KCNC4: variants seen among roughly 807,000 people sequenced by gnomAD.
The protein encoded by KCNC4 is potassium voltage-gated channel subfamily C member 4.
In KCNC4, 23 loss-of-function variants were observed where a neutral mutation model predicts 42.8. The ratio of observed to expected loss-of-function variants is 0.54; its 90% CI spans 0.39 to 0.76. The LOEUF is 0.76. KCNC4 is among the 30% of genes least tolerant of loss of function. The pLI, the probability that KCNC4 is intolerant of heterozygous loss-of-function variation, is 0.00. For missense variants in KCNC4, 751 were observed against 898.2 expected (o/e 0.84, Z 2.10); for synonymous variants, 422 against 393.5 (o/e 1.07, Z -0.86).
intron 3 of KCNC4, among the ~76,000 whole-genome samples, chr1:110,230,108 G>A (rs988767735): frequency 6.6e-6 from 1 of 152,138 alleles, no homozygotes; most frequent in African/African-American, 2.4e-5. Context: ...TCCCCATCTC[G>A]GCACCTCCCT....
chr1:110,232,829 C>G, intron 3 of KCNC4, 82 bp from the exon 4 acceptor site: 1 of 1,553,166 alleles, frequency 6.4e-7, no homozygotes, highest in South Asian at 1.2e-5. Context: ...TTGCTGAACT[C>G]CCTGTCCCCC....
chr1:110,276,243 C>A (rs1659722182), intron 1 of KCNC4, among the ~76,000 whole-genome samples: 1 of 144,926 alleles, frequency 6.9e-6, no homozygotes. Context: ...CCAGACTTCA[C>A]CACTATATAA....
At chr1:110,273,139 C>T (rs187241224) in intron 1 of KCNC4, among the ~76,000 whole-genome samples, 1 of 152,178 alleles carries the variant, frequency 6.6e-6, no homozygotes, top group Non-Finnish European at 1.5e-5. Flanking sequence ...GACCCAGGAG[C>T]TGAAAGAGGG....
downstream of KCNC4, among the ~76,000 whole-genome samples, chr1:110,251,047 C>T (rs1356018148): frequency 3.3e-5 from 5 of 152,158 alleles, no homozygotes; most frequent in Non-Finnish European, 7.4e-5. Context: ...TCAGGTATCC[C>T]TTGTGGCAGT....
At position 110,211,756 on chromosome 1, in the gene KCNC4, G is replaced by T; in HGVS notation, c.257G>T (p.Ser86Ile). Reference sequence around the variant, plus strand: ...GGCGGCGGTGTGGGTAGCAGCGGCAGCAGCGGCGGCGGGGGCTGCGAGTTC... The same window carrying T: ...GGCGGCGGTGTGGGTAGCAGCGGCATCAGCGGCGGCGGGGGCTGCGAGTTC... ...TDGGGVGSSG[S>I]SGGGGCEFFF... Residue 86 changes from serine to isoleucine, a missense_variant, in exon 1 of 4, where the codon AGC (serine) becomes ATC (isoleucine). Ser to Ile is a moderately radical substitution (Grantham distance 142, BLOSUM62 -2). Around this residue, in one of 4 missense-constraint regions of KCNC4, gnomAD observed 183 missense variants for 255.8 expected, o/e 0.72. Transcript: ENST00000438661. The surrounding 1 kb of genome is among the most constrained non-coding windows in gnomAD (Gnocchi z 6.5). 1 of 1,609,462 alleles carries T rather than the reference G, an allele frequency of 6.2e-7. No individual in the cohort carries two copies. Among genetic ancestry groups the T allele is most frequent in the South Asian group, 1.1e-5 (1 of 90,906 alleles).
At chr1:110,234,784 C>T (rs1557866154), downstream of KCNC4, 2 of 151,904 alleles carry the variant, frequency 1.3e-5, no homozygotes, top group East Asian at 3.8e-4. Context: ...GCCTGCTTGC[C>T]TCTCCTTATT....
chr1:110,259,214 G>A (rs983978369), intron 1 of KCNC4, among the ~76,000 whole-genome samples: 4 of 152,146 alleles, frequency 2.6e-5, no homozygotes, highest in African/African-American at 7.2e-5. Flanking sequence ...GGAATGAATC[G>A]TAGGCCAGCT....
At chr1:110,266,246 G>C (rs983859942) in intron 1 of KCNC4, among the ~76,000 whole-genome samples, 1 of 152,196 alleles carries the variant, frequency 6.6e-6, no homozygotes, top group African/African-American at 2.4e-5. Context: ...CATGGGGAGA[G>C]AGTCTCAGTT....
chr1:110,251,688 T>A (rs1659252840), downstream of KCNC4, among the ~76,000 whole-genome samples: 1 of 152,234 alleles, frequency 6.6e-6, no homozygotes, highest in Admixed American at 6.5e-5. Flanking sequence ...TTAAGTGACT[T>A]GGTTATCATG....
intron 1 of KCNC4, among the ~76,000 whole-genome samples, chr1:110,277,111 A>G (rs145095449): frequency 6.6e-5 from 10 of 152,352 alleles, no homozygotes; most frequent in Non-Finnish European, 1.3e-4. Flanking sequence ...TCACCATTCC[A>G]ATAATCACAG....
exon 4 of KCNC4, chr1:110,246,699 TC>T (rs1228963811): frequency 1.3e-5 from 2 of 152,090 alleles, no homozygotes; most frequent in Non-Finnish European, 2.9e-5. Context: ...GCTTGGAGTG[TC>T]CCCTGGCTTT....
chr1:110,234,952 G>A (rs954707792), downstream of KCNC4: 6 of 152,268 alleles, frequency 3.9e-5, no homozygotes, highest in African/African-American at 1.4e-4. Flanking sequence ...CCCTGTTTCA[G>A]AGACAGAGTG....
chr1:110,225,288 T>G (rs780878510), intron 2 of KCNC4: 1 of 152,060 alleles, frequency 6.6e-6, no homozygotes, highest in Non-Finnish European at 1.5e-5. Flanking sequence ...TCAGATAGAG[T>G]AGCACCCCCT....
Position 110,222,982 on chromosome 1 carries a change from C to G in KCNC4, c.697C>G (p.Leu233Val). Residue 233 changes from leucine (L) to valine (V), a missense_variant, in exon 2 of 4, where the codon CTC becomes GTC. Physicochemically the swap from Leu to Val is conservative, Grantham distance 32 (BLOSUM62 1). Coordinates refer to ENST00000438661, the MANE Select transcript of KCNC4 (RefSeq NM_001039574.3). ...RAARVVAFAS[L>V]FFILVSITTF... ...CCCATAGGTAGTGGCCTTTGCCTCT[C>G]TCTTCTTCATCCTGGTCTCCATCAC... 1 of 1,613,522 alleles carries G rather than the reference C, an allele frequency of 6.2e-7. No individual in the cohort carries two copies. The highest frequency in any genetic ancestry group is 8.5e-7 in the Non-Finnish European group (1 of 1,179,500).
chr1:110,272,991 T>G (rs1461875023), intron 1 of KCNC4, among the ~76,000 whole-genome samples: 1 of 152,250 alleles, frequency 6.6e-6, no homozygotes, highest in Non-Finnish European at 1.5e-5. Flanking sequence ...GAGTTGGTTG[T>G]GGTGTCTATG....
chr1:110,254,098 GGGC>G (rs201582254), downstream of KCNC4, among the ~76,000 whole-genome samples: 621 of 140,798 alleles, frequency 4.4e-3, 13 homozygotes, highest in East Asian at 6.7e-3. Context: ...GTCGGGGGGG[GGGC>G]GGCGTTTCTG....
intron 1 of KCNC4, among the ~76,000 whole-genome samples, chr1:110,271,994 C>T (rs530958932): frequency 2.6e-5 from 4 of 152,174 alleles, no homozygotes; most frequent in Non-Finnish European, 4.4e-5. Flanking sequence ...CCCCCCTTCC[C>T]GCCACAATTT....
chr1:110,276,470 C>T (rs1031463985), intron 1 of KCNC4, among the ~76,000 whole-genome samples: 1 of 151,994 alleles, frequency 6.6e-6, no homozygotes, highest in African/African-American at 2.4e-5. Context: ...GAGAGGGAGC[C>T]CTGCCTAGTC....
downstream of KCNC4, among the ~76,000 whole-genome samples, chr1:110,249,727 G>GC (rs1659217942): frequency 1.1e-5 from 1 of 94,066 alleles, no homozygotes; most frequent in South Asian, 3.7e-4. Flanking sequence ...TAAAAGCATT[G>GC]CTTTAAAAAA....
Sources: gnomAD v4.1 joint callset for allele counts (sites outside exome capture counted in the v4.1 genomes callset) on GRCh38, gnomAD v4.1.1 for gene constraint, gnomAD v4.1.1 regional missense constraint, Gnocchi (gnomAD v3.1) non-coding constraint, MANE v1.5 for transcripts, NCBI Gene and HGNC (gene_info 2026-07-23, HGNC 2026-07-21) for gene names.